RIN3: variants seen among roughly 807,000 people sequenced by gnomAD.
RIN3 encodes Ras and Rab interactor 3, also known as RAB5 interacting protein 3.
In RIN3, 54 loss-of-function variants were observed where a neutral mutation model predicts 76.3. That is an observed-to-expected ratio of 0.71 (90% CI 0.57 to 0.89). The LOEUF (loss-of-function observed/expected upper bound fraction) is 0.89. Ranked by LOEUF, RIN3 falls within the 40% of genes least tolerant of loss-of-function variation. RIN3 has a pLI of 0.00. For synonymous variants in RIN3, 576 were observed against 564.0 expected (o/e 1.02, Z -0.30); for missense variants, 1,256 against 1,322.1 (o/e 0.95, Z 0.78).
chr14:92,561,564 A>G (rs1476201528), intron 2 of RIN3, among the ~76,000 whole-genome samples: 4 of 152,058 alleles, frequency 2.6e-5, no homozygotes, highest in African/African-American at 9.7e-5. Context: ...GAGTTCCCAT[A>G]TACTCCACAC....
intron 4 of RIN3, among the ~76,000 whole-genome samples, chr14:92,618,897 G>A (rs150111677): frequency 5.6e-4 from 86 of 152,284 alleles, no homozygotes; most frequent in African/African-American, 2.1e-3. Context: ...TGGCCATCCT[G>A]GTTCTCCATG....
At chr14:92,527,388 G>T (rs1896767327) in intron 1 of RIN3, among the ~76,000 whole-genome samples, 1 of 152,036 alleles carries the variant, frequency 6.6e-6, no homozygotes, top group Non-Finnish European at 1.5e-5. Context: ...AGTCGCTTTG[G>T]ATTTAGGGCC....
Position 92,651,634 on chromosome 14 carries a change from G to A in RIN3, c.585G>A (p.Glu195=). 6.2e-7 allele frequency: 1 copy of A among 1,613,076 alleles called. No individual in the cohort carries two copies. Among genetic ancestry groups the A allele is most frequent in the Non-Finnish European group, 8.5e-7 (1 of 1,179,438 alleles). ...NPPQERGKPA[E]PPRDRAPGFP... ...CACAAGAAAGAGGGAAGCCAGCAGAGCCCCCAAGAGACCGGGCCCCCGGAT... is the reference window on the plus strand; with the variant it reads ...CACAAGAAAGAGGGAAGCCAGCAGAACCCCCAAGAGACCGGGCCCCCGGAT... Residue 195 remains glutamate, a synonymous_variant, in exon 6 of 10, where the codon GAG becomes GAA. Transcript: ENST00000216487.
At chr14:92,567,953 G>T (rs191125820) in intron 2 of RIN3, among the ~76,000 whole-genome samples, 4 of 152,108 alleles carry the variant, frequency 2.6e-5, no homozygotes, top group Admixed American at 2.6e-4. Flanking sequence ...TACATTTTCT[G>T]TGCCAGGCAT....
rs942186240 is a variant in RIN3 at position 92,643,309 on chromosome 14, C to T, written c.532+1980C>T. Reference sequence around the variant, plus strand: ...CCTCATGATCCACCCACCTCGGCCTCCCAAAGTGCTGGGATTACAGGCGTG... The same window carrying T: ...CCTCATGATCCACCCACCTCGGCCTTCCAAAGTGCTGGGATTACAGGCGTG... On this transcript the variant is annotated intron_variant, in intron 5 of 9. Coordinates refer to ENST00000216487, the MANE Select transcript of RIN3 (RefSeq NM_024832.5). This position sits in a 1 kb window ranked among gnomAD's most constrained non-coding sequence, Gnocchi z 4.8. Among the ~76,000 whole-genome samples, 1 of 152,200 alleles carries T rather than the reference C, an allele frequency of 6.6e-6. No individual in the cohort carries two copies. Among genetic ancestry groups the T allele is most frequent in the African/African-American group, 2.4e-5 (1 of 41,466 alleles).
intron 2 of RIN3, among the ~76,000 whole-genome samples, chr14:92,561,946 A>G (rs1458535484): frequency 6.6e-6 from 1 of 152,174 alleles, no homozygotes; most frequent in Admixed American, 6.5e-5. Context: ...TCGGCCTCCC[A>G]TACCACTGGG....
intron 1 of RIN3, among the ~76,000 whole-genome samples, chr14:92,517,016 T>C (rs1896461413): frequency 6.6e-6 from 1 of 152,196 alleles, no homozygotes; most frequent in East Asian, 1.9e-4. Flanking sequence ...AGGTGGTCTG[T>C]GGTGCCTCCC....
At chr14:92,600,499 G>C (rs921319548) in intron 3 of RIN3, among the ~76,000 whole-genome samples, 6 of 152,228 alleles carry the variant, frequency 3.9e-5, no homozygotes, top group Non-Finnish European at 7.3e-5. Flanking sequence ...CACTGAGACT[G>C]ATCCCTTGTT....
At chr14:92,536,760 A>G in intron 1 of RIN3, among the ~76,000 whole-genome samples, 1 of 151,450 alleles carries the variant, frequency 6.6e-6, no homozygotes, top group Non-Finnish European at 1.5e-5. Context: ...AAAAAAAAAA[A>G]AAGAAACTGC....
In RIN3 at chr14:92,649,379, G is replaced by A. The variant is rs186609616; in HGVS notation, c.533-2203G>A. ...TTCTCCTTGCTAGGAAAACTCCCAA[G>A]GAGGCAACTTTGTTGGGCCTGTGTA... On this transcript the variant is annotated intron_variant, in intron 5 of 9. Coordinates refer to ENST00000216487, the MANE Select transcript of RIN3 (RefSeq NM_024832.5). Among the ~76,000 whole-genome samples the A allele has an allele frequency of 1.0e-3, 153 of 152,186 alleles. 1 individual carries two copies. The highest frequency in any genetic ancestry group is 5.8e-3 in the Admixed American group (89 of 15,284).
chr14:92,587,120 G>C (rs539741826), intron 3 of RIN3, among the ~76,000 whole-genome samples: 1 of 152,350 alleles, frequency 6.6e-6, no homozygotes, highest in East Asian at 1.9e-4. Context: ...GATTTGGTTT[G>C]TAGTGTTATC....
At position 92,652,858 on chromosome 14, in the gene RIN3, G is replaced by C. The variant is rs756908494; in HGVS notation, c.1809G>C (p.Lys603Asn). 1 of 1,614,102 alleles carries C rather than the reference G, an allele frequency of 6.2e-7. No individual in the cohort carries two copies. Among genetic ancestry groups the C allele is most frequent in the South Asian group, 1.1e-5 (1 of 91,090 alleles). Residue 603 changes from lysine (K) to asparagine (N), a missense_variant, in exon 6 of 10, where the codon AAG (lysine) becomes AAC (asparagine). By Grantham distance (94) the Lys-to-Asn change is moderately conservative (BLOSUM62 0). Transcript: ENST00000216487. This position sits in a 1 kb window ranked among gnomAD's most constrained non-coding sequence, Gnocchi z 6.4. ...AFLSNNRKLY[K>N]KVVELAQDKG... is the part of the protein sequence containing the mutation. ...TCTCCAACAACCGCAAGCTGTACAA[G>C]AAGGTGGTGGAGCTGGCGCAGGACA...
intron 8 of RIN3, among the ~76,000 whole-genome samples, chr14:92,679,694 G>A (rs972795947): frequency 6.6e-6 from 1 of 152,216 alleles, no homozygotes; most frequent in Non-Finnish European, 1.5e-5. Flanking sequence ...TGGTGCAGGT[G>A]GGGAGGGAGA....
intron 3 of RIN3, among the ~76,000 whole-genome samples, chr14:92,602,193 G>A (rs1451943978): frequency 2.6e-5 from 4 of 152,206 alleles, no homozygotes; most frequent in African/African-American, 9.7e-5. Flanking sequence ...AGCTGGGCCT[G>A]TAAATAAATC....
chr14:92,600,037 G>A (rs1566861603), intron 3 of RIN3, among the ~76,000 whole-genome samples: 1 of 152,168 alleles, frequency 6.6e-6, no homozygotes, highest in Non-Finnish European at 1.5e-5. Flanking sequence ...TAGTGATTCA[G>A]AGACCCTCCA....
intron 4 of RIN3, among the ~76,000 whole-genome samples, chr14:92,634,373 C>T (rs890605909): frequency 6.6e-6 from 1 of 152,182 alleles, no homozygotes; most frequent in Non-Finnish European, 1.5e-5. Context: ...AGCCACTGCA[C>T]CCAGCCAGCT....
intron 2 of RIN3, among the ~76,000 whole-genome samples, chr14:92,563,732 T>C (rs1441661542): frequency 2.0e-5 from 3 of 152,222 alleles, no homozygotes; most frequent in African/African-American, 7.2e-5. Flanking sequence ...TGGGTAATTC[T>C]GCTATGTAGC....
intron 5 of RIN3, among the ~76,000 whole-genome samples, chr14:92,649,169 C>T (rs899278652): frequency 1.3e-5 from 2 of 152,156 alleles, no homozygotes; most frequent in African/African-American, 2.4e-5. Flanking sequence ...GTAGAGGGGG[C>T]GGCTACAGCC....
intron 3 of RIN3, among the ~76,000 whole-genome samples, chr14:92,584,715 G>A (rs990483910): frequency 6.6e-6 from 1 of 152,202 alleles, no homozygotes; most frequent in Non-Finnish European, 1.5e-5. Flanking sequence ...CTGCTGAGCT[G>A]CAGCCTGCCC....
Sources: allele counts gnomAD v4.1 joint callset (sites outside exome capture counted in the v4.1 genomes callset), GRCh38; gene constraint gnomAD v4.1.1; non-coding constraint Gnocchi (gnomAD v3.1); transcripts MANE v1.5; gene names NCBI Gene and HGNC (gene_info 2026-07-23, HGNC 2026-07-21).